CROCC: variants seen among roughly 807,000 people sequenced by gnomAD.
CROCC encodes the protein rootletin.
Under a neutral mutation model 245.2 loss-of-function variants are expected in CROCC, and 180 were observed. The ratio of observed to expected loss-of-function variants is 0.73; its 90% CI spans 0.65 to 0.83. CROCC has a LOEUF of 0.83. CROCC is among the 40% of genes least tolerant of loss of function. The pLI, the probability that CROCC is intolerant of heterozygous loss-of-function variation, is 0.00. For missense variants in CROCC, 2,688 were observed against 2,779.4 expected, an observed-to-expected ratio of 0.97 and a Z score of 0.74; for synonymous variants, 1,205 against 1,241.6, an observed-to-expected ratio of 0.97 and a Z score of 0.62.
chr1:16,970,988 T>G lies in CROCC; in HGVS notation c.5784+221T>G, dbSNP rs2076507978. ...TTGCACGTGAGCCTGTGGGTTCATG[T>G]ACGTTGTGGCCATGCAGCAGTGTGA... On this transcript the variant is annotated intron_variant, in intron 35 of 36. Transcript: ENST00000375541. 6 of 492,256 alleles carry G rather than the reference T, an allele frequency of 1.2e-5. No homozygotes were observed. The South Asian group carries it at 2.2e-4, about 18-fold the overall frequency. 30.5% of individuals were successfully genotyped at this position (492,256 alleles called of 1,614,324 possible).
rs1251530909 is a variant in CROCC, at chr1:16,954,586, A to G, written c.3322-148A>G. ...GCTGGCTACACGGGCAGCACTCACT[A>G]TGCATCCAGGGGTTGGCAGAGGGTC... On this transcript the variant is annotated intron_variant, in intron 22 of 36. Transcript: ENST00000375541. This position sits in a 1 kb window ranked among gnomAD's most constrained non-coding sequence, Gnocchi z 4.4. 2 of 1,188,198 alleles carry G rather than the reference A, an allele frequency of 1.7e-6. No homozygotes were observed. Among genetic ancestry groups the G allele is most frequent in the South Asian group, 1.6e-5 (1 of 62,408 alleles). 73.6% of individuals were successfully genotyped at this position (1,188,198 alleles called of 1,614,324 possible).
chr1:16,920,525 G>C (rs2075381836), upstream of CROCC, among the ~76,000 whole-genome samples: 2 of 152,240 alleles, frequency 1.3e-5, no homozygotes, highest in Non-Finnish European at 2.9e-5. Flanking sequence ...TGAGAAAACT[G>C]AGGCTCAGGG....
chr1:16,936,495 C>G (rs2075790279), intron 8 of CROCC, 142 bp from the exon 9 acceptor site: 2 of 809,082 alleles, frequency 2.5e-6, no homozygotes, highest in African/African-American at 3.4e-5. Context: ...TCTCGAACTC[C>G]TGACCTCACG....
chr1:16,970,951 C>A, intron 35 of CROCC, 184 bp downstream of exon 35: 1 of 603,286 alleles, frequency 1.7e-6, no homozygotes, highest in Non-Finnish European at 2.6e-6. Flanking sequence ...AGAAAAGACA[C>A]GAAAGGCCTG....
chr1:16,947,277 G>A (rs1281552876), intron 17 of CROCC, among the ~76,000 whole-genome samples: 1 of 152,276 alleles, frequency 6.6e-6, no homozygotes, highest in African/African-American at 2.4e-5. Context: ...CGGAGATCAA[G>A]ACCATCCTGG....
chr1:16,946,121 T>C, intron 15 of CROCC, 138 bp from the exon 16 acceptor site: 1 of 1,005,506 alleles, frequency 9.9e-7, no homozygotes, highest in Non-Finnish European at 1.4e-6. Context: ...ATTTTTTTTT[T>C]TCCATCTCAC....
At chr1:16,945,823 G>T (rs371329832) in intron 15 of CROCC, among the ~76,000 whole-genome samples, 1 of 152,266 alleles carries the variant, frequency 6.6e-6, no homozygotes, top group Admixed American at 6.5e-5. Flanking sequence ...CTTTATGGCC[G>T]TATCCCTGCT....
At chr1:16,919,461 C>T (rs2075358325), upstream of CROCC, among the ~76,000 whole-genome samples, 1 of 152,286 alleles carries the variant, frequency 6.6e-6, no homozygotes, top group Admixed American at 6.5e-5. Context: ...GCAGAGGGCA[C>T]CCAGGGACGG....
chr1:16,925,691 G>A (rs1215174902), intron 3 of CROCC, among the ~76,000 whole-genome samples: 1 of 152,254 alleles, frequency 6.6e-6, no homozygotes, highest in Non-Finnish European at 1.5e-5. Flanking sequence ...TTGGCAGGAG[G>A]GTGTGTGTTC....
intron 16 of CROCC, 115 bp from the exon 17 acceptor site, chr1:16,946,646 C>T (rs765248249): frequency 1.1e-5 from 14 of 1,227,010 alleles, no homozygotes; most frequent in African/African-American, 1.5e-5. Context: ...GGCACTGTCC[C>T]TCATTCCCTG....
chr1:16,926,002 C>A (rs1474550824), intron 3 of CROCC, among the ~76,000 whole-genome samples: 2 of 152,276 alleles, frequency 1.3e-5, no homozygotes, highest in African/African-American at 4.8e-5. Flanking sequence ...GCTAGCCCTG[C>A]CCCCAGGTTG....
chr1:16,915,693 GA>G (rs1474175601), intron 1 of CROCC, among the ~76,000 whole-genome samples: 9 of 152,196 alleles, frequency 5.9e-5, no homozygotes, highest in Admixed American at 3.9e-4. Flanking sequence ...GGAGAAAATG[GA>G]ACAGCCACTG....
intron 13 of CROCC, among the ~76,000 whole-genome samples, chr1:16,943,126 C>T (rs142266983): frequency 0.06 from 9,037 of 150,884 alleles, 69 homozygotes; most frequent in African/African-American, 0.11. Flanking sequence ...GCTGTAATCC[C>T]AGCTACTTGG....
In CROCC at chr1:16,921,946, T is replaced by C; in HGVS notation, c.-73T>C. 1 of 1,418,772 alleles carries C rather than the reference T, an allele frequency of 7.0e-7. No homozygotes were observed. Among genetic ancestry groups the C allele is most frequent in the Non-Finnish European group, 9.7e-7 (1 of 1,026,322 alleles). The allele number at this position is 1,418,772 out of a possible 1,614,324, so 87.9% of individuals were successfully genotyped here. ...GGTGCTCAGCACAGCATCCTGGCTG[T>C]GGCGCGTGCTGACTGAGCTAGTCTT... On this transcript the variant is annotated 5_prime_UTR_variant, in exon 1 of 37. Transcript: ENST00000375541.
Position 16,954,980 on chromosome 1 carries a change from G to C in CROCC, c.3465+103G>C. On this transcript the variant is annotated intron_variant, in intron 23 of 36. Coordinates refer to ENST00000375541, the MANE Select transcript of CROCC (RefSeq NM_014675.5). The surrounding 1 kb of genome is among the most constrained non-coding windows in gnomAD (Gnocchi z 4.4). ...CCAGAAGAGTGTAAGATTCCTCCCT[G>C]CATTTGAGGACCAATGAATAGCAAC... 1 of 1,348,304 alleles carries C rather than the reference G, an allele frequency of 7.4e-7. No individual in the cohort carries two copies. The highest frequency in any genetic ancestry group is 1.5e-5 in the African/African-American group (1 of 67,994). 83.5% of individuals were successfully genotyped at this position (1,348,304 alleles called of 1,614,324 possible).
At chr1:16,927,067 T>C (rs970241880) in intron 3 of CROCC, among the ~76,000 whole-genome samples, 3 of 152,224 alleles carry the variant, frequency 2.0e-5, no homozygotes, top group Non-Finnish European at 4.4e-5. Flanking sequence ...TTCACACAGA[T>C]ATGCAGTGTG....
rs948545691 is a variant in CROCC, at chr1:16,962,158, G to C, written c.4405+1028G>C. On this transcript the variant is annotated intron_variant, in intron 27 of 36. Transcript: ENST00000375541. ...GCTCACTGCAACCTCTGCCTCCTGG[G>C]TTCAAGTGATTCTCCTGCCTCAGCC... Among the ~76,000 whole-genome samples the C allele has an allele frequency of 2.0e-5, 3 of 151,700 alleles. No individual in the cohort carries two copies. The South Asian group carries it at 6.3e-4, about 32-fold the overall frequency.
chr1:16,969,778 C>A lies in CROCC; in HGVS notation c.5302-7C>A, dbSNP rs777414264. The A allele has an allele frequency of 6.2e-7, 1 of 1,611,196 alleles. No homozygotes were observed. Among genetic ancestry groups the A allele is most frequent in the African/African-American group, 1.3e-5 (1 of 74,894 alleles). ...CCAGCCAGGCACCATCAGCCCCTGT[C>A]CCCCAGGAACGGCTGGATGCCGCCC... On this transcript the variant is annotated splice_polypyrimidine_tract_variant and splice_region_variant and intron_variant, in intron 32 of 36. Coordinates refer to ENST00000375541, the MANE Select transcript of CROCC (RefSeq NM_014675.5).
Position 16,959,953 on chromosome 1 carries a change from C to CA in CROCC, c.4033-799dup, listed in dbSNP as rs1373688163. 3.4e-5 allele frequency among the ~76,000 whole-genome samples: 5 copies of CA among 148,118 alleles called. No homozygotes were observed. In the East Asian group the frequency reaches 7.9e-4, roughly 23 times the overall value. The stretch of plus-strand genomic sequence containing the variant: ...TAAGCTGCTGTCAAGCTATTAAAAA[C>CA]AAAAAACAAAAAAAAAAACAGAAAC... On this transcript the variant is annotated intron_variant, in intron 26 of 36. Coordinates refer to ENST00000375541, the MANE Select transcript of CROCC (RefSeq NM_014675.5).
Sources: allele counts gnomAD v4.1 joint callset (sites outside exome capture counted in the v4.1 genomes callset), GRCh38; gene constraint gnomAD v4.1.1; non-coding constraint Gnocchi (gnomAD v3.1); transcripts MANE v1.5; gene names NCBI Gene and HGNC (gene_info 2026-07-23, HGNC 2026-07-21).